The following GOLM2 variants were observed in gnomAD, a reference collection of about 807,000 sequenced individuals.
GOLM2 encodes the protein protein GOLM2.
In GOLM2, 26 loss-of-function variants were observed where a neutral mutation model predicts 55.9. The ratio of observed to expected loss-of-function variants is 0.47; its 90% CI spans 0.34 to 0.65. The LOEUF (loss-of-function observed/expected upper bound fraction) is 0.65, where lower values mean the gene tolerates loss of function less well. Among genes scored for constraint, GOLM2 ranks in the 30% least tolerant of loss-of-function variants. The pLI, the probability that GOLM2 is intolerant of heterozygous loss-of-function variation, is 0.01. For synonymous variants in GOLM2, 165 were observed against 194.6 expected, an observed-to-expected ratio of 0.85 and a Z score of 1.27; for missense variants, 486 against 531.8, an observed-to-expected ratio of 0.91 and a Z score of 0.85.
At chr15:44,410,903 CA>C (rs35934853) in intron 9 of GOLM2, among the ~76,000 whole-genome samples, 2,049 of 56,304 alleles carry the variant, frequency 0.036, 30 homozygotes, top group African/African-American at 0.12. Flanking sequence ...GACCCTGTAT[CA>C]AAAAAAAAAA....
In GOLM2 at chr15:44,395,081, C is replaced by T. The variant is rs1474435502; in HGVS notation, c.1073-7806C>T. On this transcript the variant is annotated intron_variant, in intron 8 of 9. Transcript: ENST00000299957. The stretch of plus-strand genomic sequence containing the variant: ...CCAGAGTGCAGTGGTGCAATCTTGG[C>T]TCACTGCAACCTCCACCTCCCAGGT... Among the ~76,000 whole-genome samples, 3 of 151,590 alleles carry T rather than the reference C, an allele frequency of 2.0e-5. 1 individual carries two copies. Among genetic ancestry groups the T allele is most frequent in the South Asian group, 4.2e-4 (2 of 4,806 alleles).
chr15:44,388,629 G>A (rs932583080), intron 8 of GOLM2, among the ~76,000 whole-genome samples: 4 of 152,064 alleles, frequency 2.6e-5, no homozygotes, highest in South Asian at 2.1e-4. Context: ...AGCCATGATC[G>A]TGCCACTGCA....
At chr15:44,401,782 G>C (rs1024464607) in intron 8 of GOLM2, among the ~76,000 whole-genome samples, 2 of 149,902 alleles carry the variant, frequency 1.3e-5, no homozygotes, top group Admixed American at 6.7e-5. Flanking sequence ...TCTAATTGTT[G>C]AATAGTTTTC....
chr15:44,299,742 C>A (rs2078783518), intron 1 of GOLM2, among the ~76,000 whole-genome samples: 1 of 151,758 alleles, frequency 6.6e-6, no homozygotes, highest in Admixed American at 6.6e-5. Context: ...AGAGGCCTGT[C>A]CCATACAAAG....
intron 9 of GOLM2, among the ~76,000 whole-genome samples, chr15:44,410,998 A>C (rs1482109083): frequency 1.3e-4 from 19 of 146,956 alleles, no homozygotes; most frequent in African/African-American, 4.7e-4. Context: ...TGAAAAAGAA[A>C]GTTGGTTTGT....
chr15:44,326,287 A>C lies in GOLM2; in HGVS notation c.383-2398A>C, dbSNP rs189842369. ...TCAAAAAAAAAAAAAAAAAGAAAGA[A>C]ATTTAAAATGTGGCTTGAATATGCA... On this transcript the variant is annotated intron_variant, in intron 2 of 9. Transcript: ENST00000299957. 1.9e-3 allele frequency among the ~76,000 whole-genome samples: 294 copies of C among 151,812 alleles called. 2 individuals are homozygous for C. Among genetic ancestry groups the C allele is most frequent in the African/African-American group, 6.5e-3 (271 of 41,472 alleles).
chr15:44,399,160 A>T (rs2079548768), intron 8 of GOLM2, among the ~76,000 whole-genome samples: 1 of 152,176 alleles, frequency 6.6e-6, no homozygotes, highest in South Asian at 2.1e-4. Flanking sequence ...TCACATTGAC[A>T]TGTGGCTCTT....
At chr15:44,323,279 A>G (rs752373732) in intron 2 of GOLM2, among the ~76,000 whole-genome samples, 10 of 152,192 alleles carry the variant, frequency 6.6e-5, no homozygotes, top group Non-Finnish European at 1.0e-4. Context: ...AATGTTCTTA[A>G]GAGAATACTC....
intron 8 of GOLM2, among the ~76,000 whole-genome samples, chr15:44,398,185 A>G (rs1297848056): frequency 1.3e-5 from 2 of 152,256 alleles, no homozygotes; most frequent in South Asian, 2.1e-4. Context: ...AGTTGTCTCC[A>G]TGTTCAGATG....
intron 8 of GOLM2, among the ~76,000 whole-genome samples, chr15:44,390,817 C>T (rs1331539356): frequency 6.6e-6 from 1 of 152,184 alleles, no homozygotes; most frequent in African/African-American, 2.4e-5. Flanking sequence ...GATCCGCCCG[C>T]CTCAGCCTCC....
At chr15:44,322,030 A>G (rs2078953837) in intron 1 of GOLM2, among the ~76,000 whole-genome samples, 1 of 152,120 alleles carries the variant, frequency 6.6e-6, no homozygotes, top group Non-Finnish European at 1.5e-5. Flanking sequence ...ACTGTACTCC[A>G]GCCTGGTTGA....
In GOLM2 at chr15:44,379,740, A is replaced by G. The variant is rs1567039872; in HGVS notation, c.853A>G (p.Ile285Val). 2.5e-6 allele frequency: 4 copies of G among 1,612,576 alleles called. No homozygotes were observed. The East Asian group carries it at 8.9e-5, about 36-fold the overall frequency. The change falls in exon 7 of 10, where the codon ATC becomes GTC. Residue 285 changes from isoleucine to valine, a missense_variant. By Grantham distance (29) the Ile-to-Val change is conservative. Transcript: ENST00000299957. Reference sequence around the variant, plus strand: ...TTCTCAACATGAAAGTCATCAAGCAATCTCCCATCTTCCAACTGGACAACC... The same window carrying G: ...TTCTCAACATGAAAGTCATCAAGCAGTCTCCCATCTTCCAACTGGACAACC... The part of the protein sequence containing the change: ...SVSQHESHQA[I>V]SHLPTGQPLS...
At chr15:44,348,148 C>T (rs2079137592) in intron 6 of GOLM2, among the ~76,000 whole-genome samples, 1 of 152,156 alleles carries the variant, frequency 6.6e-6, no homozygotes, top group Admixed American at 6.5e-5. Context: ...AGTAAAGACT[C>T]TGCTTAACAA....
intron 6 of GOLM2, among the ~76,000 whole-genome samples, chr15:44,345,259 G>A (rs1196809774): frequency 1.3e-5 from 2 of 150,654 alleles, no homozygotes; most frequent in Admixed American, 6.6e-5. Flanking sequence ...ACAGGTGCCC[G>A]CCACCACATC....
At chr15:44,291,731 T>G (rs1319716509) in intron 1 of GOLM2, among the ~76,000 whole-genome samples, 1 of 152,222 alleles carries the variant, frequency 6.6e-6, no homozygotes, top group Non-Finnish European at 1.5e-5. Context: ...TTCTTTCCAG[T>G]CACCTAGTAA....
intron 8 of GOLM2, among the ~76,000 whole-genome samples, chr15:44,385,381 C>T (rs2079437344): frequency 1.4e-5 from 2 of 143,104 alleles, no homozygotes; most frequent in Non-Finnish European, 3.1e-5. Context: ...CCTTCCTTCC[C>T]CCCGCCACTT....
chr15:44,397,498 A>C (rs1341636249), intron 8 of GOLM2, among the ~76,000 whole-genome samples: 10 of 147,798 alleles, frequency 6.8e-5, no homozygotes, highest in East Asian at 5.9e-4. Context: ...AAAAAAAAAA[A>C]AAAACAAAAC....
At chr15:44,413,277 T>C in intron 9 of GOLM2, 59 bp from the exon 10 acceptor site, 3 of 1,252,550 alleles carry the variant, frequency 2.4e-6, no homozygotes, top group Non-Finnish European at 1.2e-6. Flanking sequence ...GAGACATTAA[T>C]TGGATTTCTG....
At chr15:44,391,330 C>G in intron 8 of GOLM2, among the ~76,000 whole-genome samples, 1 of 151,774 alleles carries the variant, frequency 6.6e-6, no homozygotes, top group South Asian at 2.1e-4. Context: ...CTGGCTAACA[C>G]GGTGAAGCCC....
Sources: allele counts gnomAD v4.1 joint callset (sites outside exome capture counted in the v4.1 genomes callset), GRCh38; gene constraint gnomAD v4.1.1; transcripts MANE v1.5; gene names NCBI Gene and HGNC (gene_info 2026-07-23, HGNC 2026-07-21).